LAMB1: variants seen among roughly 807,000 people sequenced by gnomAD.
LAMB1 encodes the protein laminin subunit beta 1, also known as laminin subunit beta-1.
In LAMB1, 121 loss-of-function variants were observed where a neutral mutation model predicts 222.3. That is an observed-to-expected ratio of 0.54 (90% confidence interval 0.47 to 0.63). The LOEUF is 0.63. Ranked by LOEUF, LAMB1 falls within the 30% of genes least tolerant of loss-of-function variation. LAMB1 has a pLI of 0.00. For synonymous variants in LAMB1, 794 were observed against 807.2 expected (o/e 0.98, Z 0.28); for missense variants, 2,172 against 2,240.8 (o/e 0.97, Z 0.62).
At chr7:107,994,569 T>C (rs556089190) in intron 5 of LAMB1, among the ~76,000 whole-genome samples, 9 of 152,296 alleles carry the variant, frequency 5.9e-5, no homozygotes, top group African/African-American at 1.9e-4. Context: ...AGGGATTTAC[T>C]CTCCAGATGT....
rs754267913 is a variant in LAMB1 at position 107,924,405 on chromosome 7, T to G, written c.5065-16A>C. ...CATCTAAAGTCTATAGTTCCACATTTAGACAGAAAGAAGTGGTAATGTTAG... is the reference window on the plus strand; with the variant it reads ...CATCTAAAGTCTATAGTTCCACATTGAGACAGAAAGAAGTGGTAATGTTAG... On this transcript the variant is annotated splice_polypyrimidine_tract_variant and intron_variant, in intron 32 of 33. Coordinates refer to ENST00000222399, the MANE Select transcript of LAMB1 (RefSeq NM_002291.3). The G allele has an allele frequency of 6.3e-7, 1 of 1,580,510 alleles. No homozygotes were observed. The highest frequency in any genetic ancestry group is 8.6e-7 in the Non-Finnish European group (1 of 1,160,826).
At chr7:107,953,878 A>C (rs566563436) in intron 21 of LAMB1, 124 bp from the exon 22 acceptor site, 21 of 767,198 alleles carry the variant, frequency 2.7e-5, no homozygotes, top group Non-Finnish European at 4.5e-5. Flanking sequence ...GCACTGTTTA[A>C]AGAGCCCAGG....
At position 107,940,031 on chromosome 7, in the gene LAMB1, G is replaced by A. The variant is rs147967071; in HGVS notation, c.3719C>T (p.Ala1240Val). The part of the protein sequence containing the change: ...IKDILAQSPA[A>V]EPLKNIGNLF... Reference sequence around the variant, plus strand: ...ATTCCCAATGTTTTTCAGTGGCTCTGCTGCGGGGCTCTGCGCCAGGATGTC... The same window carrying A: ...ATTCCCAATGTTTTTCAGTGGCTCTACTGCGGGGCTCTGCGCCAGGATGTC... The change falls in exon 25 of 34, where the codon GCA becomes GTA. Residue 1240 changes from alanine (A) to valine (V), a missense_variant. Ala to Val is a moderately conservative substitution (Grantham distance 64). Coordinates refer to ENST00000222399, the MANE Select transcript of LAMB1 (RefSeq NM_002291.3). 3.1e-6 allele frequency: 5 copies of A among 1,613,964 alleles called. No homozygotes were observed. The African/African-American group carries it at 5.3e-5, about 17-fold the overall frequency.
At chr7:108,002,248 G>C (rs1481256608) in intron 2 of LAMB1, 3 of 1,315,602 alleles carry the variant, frequency 2.3e-6, no homozygotes, top group African/African-American at 1.7e-5. Flanking sequence ...GGTCACCGGC[G>C]CTTCGCTGGG....
In LAMB1 at chr7:107,949,187, A is replaced by G. The variant is rs138426221; in HGVS notation, c.3391+2039T>C. Among the ~76,000 whole-genome samples, 115 of 152,352 alleles carry G rather than the reference A, an allele frequency of 7.5e-4. 1 individual carries two copies. Among genetic ancestry groups the G allele is most frequent in the African/African-American group, 2.4e-3 (100 of 41,588 alleles). Reference sequence around the variant, plus strand: ...ACCCAAACAAGTTGACAAGGTTTCTATAAGTCACAATTTCCCTGGCAGATT... The same window carrying G: ...ACCCAAACAAGTTGACAAGGTTTCTGTAAGTCACAATTTCCCTGGCAGATT... On this transcript the variant is annotated intron_variant, in intron 24 of 33. Coordinates refer to ENST00000222399, the MANE Select transcript of LAMB1 (RefSeq NM_002291.3).
chr7:107,954,824 GAA>G (rs1315337386), intron 21 of LAMB1, among the ~76,000 whole-genome samples: 1 of 151,996 alleles, frequency 6.6e-6, no homozygotes, highest in Non-Finnish European at 1.5e-5. Flanking sequence ...TACAGAAACT[GAA>G]AAGTTACCAC....
At chr7:107,929,018 T>C (rs750169306) in intron 31 of LAMB1, 46 bp downstream of exon 31, 13 of 1,567,464 alleles carry the variant, frequency 8.3e-6, no homozygotes, top group Non-Finnish European at 1.1e-5. Context: ...CTGGTAAGTG[T>C]ATATGTAGGT....
At chr7:107,958,838 C>T (rs116929910) in intron 20 of LAMB1, among the ~76,000 whole-genome samples, 1,592 of 152,260 alleles carry the variant, frequency 0.01, 17 homozygotes, top group Admixed American at 0.021. Flanking sequence ...TTGCATAAAA[C>T]GTTCTGAAAA....
At position 107,994,934 on chromosome 7, in the gene LAMB1, C is replaced by A. The variant is rs774790976; in HGVS notation, c.376G>T (p.Asp126Tyr). The A allele has an allele frequency of 1.9e-6, 3 of 1,600,724 alleles. No homozygotes were observed. The African/African-American group carries it at 4.0e-5, about 21-fold the overall frequency. ...NGVENVTIQLDLEAEFHFTHL... is the reference protein window; with the variant it reads ...NGVENVTIQLYLEAEFHFTHL... ...GTAAAATGGAATTCTGCTTCCAAAT[C>A]CAGTTGGATAGTTACATTTTCCACA... Residue 126 changes from aspartate to tyrosine, a missense_variant, in exon 5 of 34, where the codon GAT becomes TAT. By Grantham distance (160) the Asp-to-Tyr change is radical (BLOSUM62 -3). Transcript: ENST00000222399.
chr7:107,998,328 C>T (rs368265335), intron 4 of LAMB1, 29 bp downstream of exon 4: 72 of 1,611,242 alleles, frequency 4.5e-5, no homozygotes, highest in Middle Eastern at 1.7e-4. Flanking sequence ...TCACACTCAA[C>T]GGAACTTGTC....
intron 5 of LAMB1, among the ~76,000 whole-genome samples, chr7:107,990,920 C>A (rs2034169756): frequency 6.6e-6 from 1 of 152,196 alleles, no homozygotes; most frequent in Admixed American, 6.5e-5. Context: ...TTAGCAGTAA[C>A]CCTCCATTAA....
rs778711438 is a variant in LAMB1, at chr7:107,959,302, C to G, written c.2637G>C (p.Val879=). 1 of 1,614,220 alleles carries G rather than the reference C, an allele frequency of 6.2e-7. No homozygotes were observed. The highest frequency in any genetic ancestry group is 1.1e-5 in the South Asian group (1 of 91,058). Residue 879 remains valine, a synonymous_variant, in exon 20 of 34, where the codon GTG becomes GTC. Transcript: ENST00000222399. ...CCTGGCAGTTCAAGCACTCCCCAGT[C>G]ACTGGGTCGCAGTCATCGGCGTGGC... The part of the protein sequence containing the change: ...CNGHADDCDP[V]TGECLNCQDY...
At chr7:107,961,165 C>T in intron 17 of LAMB1, 41 bp downstream of exon 17, 2 of 1,612,898 alleles carry the variant, frequency 1.2e-6, no homozygotes, top group Non-Finnish European at 1.7e-6. Context: ...CACTTTCCGC[C>T]CAGGCTTTCC....
intron 23 of LAMB1, among the ~76,000 whole-genome samples, 168 bp downstream of exon 23, chr7:107,951,841 C>G (rs990082312): frequency 2.6e-5 from 4 of 152,164 alleles, no homozygotes; most frequent in African/African-American, 9.7e-5. Context: ...GATGGGGACT[C>G]TGTGCACAGT....
chr7:107,975,577 A>G lies in LAMB1; in HGVS notation c.1189+112T>C, dbSNP rs575907603. 93 of 1,281,936 alleles carry G rather than the reference A, an allele frequency of 7.3e-5. 1 individual carries two copies. The South Asian group carries it at 8.3e-4, about 12-fold the overall frequency. 79.4% of individuals were successfully genotyped at this position (1,281,936 alleles called of 1,614,324 possible). ...CCCAGCGTCTTCAACTGCAATTACAATAACAATGCTGGCTTTACTGCTCAT... is the reference window on the plus strand; with the variant it reads ...CCCAGCGTCTTCAACTGCAATTACAGTAACAATGCTGGCTTTACTGCTCAT... On this transcript the variant is annotated intron_variant, in intron 10 of 33. Transcript: ENST00000222399.
rs148342920 is a variant in LAMB1 at position 107,953,032 on chromosome 7, CA to C, written c.3079+497del. Reference sequence around the variant, plus strand: ...GGCACTGAGTCACATCTTGAGACCTCACTCCTGCCAGAAAATGTGGATGTAA... The same window carrying C: ...GGCACTGAGTCACATCTTGAGACCTCCTCCTGCCAGAAAATGTGGATGTAA... On this transcript the variant is annotated intron_variant, in intron 22 of 33. Transcript: ENST00000222399. 3.4e-3 allele frequency among the ~76,000 whole-genome samples: 523 copies of C among 152,180 alleles called. 2 individuals are homozygous for C. The highest frequency in any genetic ancestry group is 0.012 in the African/African-American group (485 of 41,510).
chr7:107,951,994 G>A lies in LAMB1; in HGVS notation c.3294+15C>T. On this transcript the variant is annotated intron_variant, in intron 23 of 33. Coordinates refer to ENST00000222399, the MANE Select transcript of LAMB1 (RefSeq NM_002291.3). ...TGAGCTCATAAAGGCATCATCCCCA[G>A]CAGCAGCCCCTCACCTCATTGCAAG... 1 of 1,596,864 alleles carries A rather than the reference G, an allele frequency of 6.3e-7. No homozygotes were observed. The highest frequency in any genetic ancestry group is 8.6e-7 in the Non-Finnish European group (1 of 1,168,098).
chr7:107,938,537 A>AT (rs1486723775), intron 25 of LAMB1, among the ~76,000 whole-genome samples: 1 of 152,162 alleles, frequency 6.6e-6, no homozygotes, highest in Non-Finnish European at 1.5e-5. Flanking sequence ...TTTTCCTGTG[A>AT]TTATTACAAT....
chr7:107,950,987 C>G (rs2033233246), intron 24 of LAMB1: 1 of 390,848 alleles, frequency 2.6e-6, no homozygotes, highest in African/African-American at 2.1e-5. Flanking sequence ...CAAACTTTAC[C>G]CCAGGGTGTG....
Sources: allele counts gnomAD v4.1 joint callset (sites outside exome capture counted in the v4.1 genomes callset), GRCh38; gene constraint gnomAD v4.1.1; transcripts MANE v1.5; gene names NCBI Gene and HGNC (gene_info 2026-07-23, HGNC 2026-07-21).